Variants in MBNL1 observed in about 807,000 individuals in gnomAD.
MBNL1 encodes the protein muscleblind like splicing regulator 1, also known as muscleblind-like protein 1.
A neutral mutation model predicts 42.2 loss-of-function variants in MBNL1; 8 were observed. The ratio of observed to expected loss-of-function variants is 0.19; its 90% confidence interval spans 0.11 to 0.34. The LOEUF is 0.34. Ranked by LOEUF, MBNL1 falls within the 10% of genes least tolerant of loss-of-function variation. The pLI is 1.00. For synonymous variants in MBNL1, 169 were observed against 173.9 expected (o/e 0.97, Z 0.22); for missense variants, 309 against 495.3 (o/e 0.62, Z 3.57).
chr3:152,455,095 A>T (rs1730963402), intron 6 of MBNL1, among the ~76,000 whole-genome samples: 1 of 152,096 alleles, frequency 6.6e-6, no homozygotes, highest in Admixed American at 6.6e-5. Flanking sequence ...TGAATTATTT[A>T]GTATTTAATA....
intron 2 of MBNL1, among the ~76,000 whole-genome samples, chr3:152,250,094 C>T (rs1406684763): frequency 6.6e-6 from 1 of 152,004 alleles, no homozygotes; most frequent in African/African-American, 2.4e-5. Flanking sequence ...ATTTACTTGG[C>T]GATGCGGGCT....
chr3:152,371,483 A>G (rs897098613), intron 2 of MBNL1, among the ~76,000 whole-genome samples: 2 of 152,046 alleles, frequency 1.3e-5, no homozygotes, highest in Admixed American at 6.5e-5. Context: ...TGTAATCCCA[A>G]CTACTTGGGA....
intron 2 of MBNL1, among the ~76,000 whole-genome samples, chr3:152,372,679 C>T (rs1288291825): frequency 6.6e-6 from 1 of 152,150 alleles, no homozygotes; most frequent in African/African-American, 2.4e-5. Flanking sequence ...AAGTTTCGTC[C>T]CAGAGGGGCA....
intron 2 of MBNL1, among the ~76,000 whole-genome samples, chr3:152,330,771 ATTG>A (rs1428188366): frequency 5.9e-5 from 9 of 152,288 alleles, no homozygotes; most frequent in South Asian, 2.1e-4. Context: ...TATTATAGTT[ATTG>A]TTGTTAATCA....
intron 1 of MBNL1, among the ~76,000 whole-genome samples, chr3:152,284,108 A>G (rs945117687): frequency 6.6e-6 from 1 of 152,218 alleles, no homozygotes; most frequent in East Asian, 1.9e-4. Context: ...CACAGTTAAT[A>G]TAATCAATAC....
At chr3:152,453,615 C>G (rs1727880495) in intron 6 of MBNL1, among the ~76,000 whole-genome samples, 1 of 152,130 alleles carries the variant, frequency 6.6e-6, no homozygotes, top group South Asian at 2.1e-4. Context: ...GTAAGTGGGT[C>G]CTACAGCATT....
At chr3:152,401,516 C>A (rs989383675) in intron 2 of MBNL1, among the ~76,000 whole-genome samples, 3 of 152,118 alleles carry the variant, frequency 2.0e-5, no homozygotes, top group Non-Finnish European at 2.9e-5. Context: ...AGCTTTGTCA[C>A]AGCTACTCTA....
At chr3:152,393,525 C>T (rs935148518) in intron 2 of MBNL1, among the ~76,000 whole-genome samples, 10 of 152,180 alleles carry the variant, frequency 6.6e-5, no homozygotes, top group Non-Finnish European at 1.5e-4. Flanking sequence ...ATGAATGTTA[C>T]GGTGAAATAT....
chr3:152,340,655 G>A, intron 2 of MBNL1: 1 of 1,614,018 alleles, frequency 6.2e-7, no homozygotes, highest in Non-Finnish European at 8.5e-7. Flanking sequence ...ATGTTCCAGA[G>A]TGTTAGAATC....
At chr3:152,321,129 A>C (rs1033394005) in intron 2 of MBNL1, among the ~76,000 whole-genome samples, 3 of 152,134 alleles carry the variant, frequency 2.0e-5, no homozygotes, top group Non-Finnish European at 4.4e-5. Context: ...GAGAGTAAAA[A>C]AATGTTCCAG....
intron 2 of MBNL1, among the ~76,000 whole-genome samples, chr3:152,321,952 C>T (rs2076702510): frequency 1.3e-5 from 2 of 151,936 alleles, no homozygotes; most frequent in African/African-American, 4.8e-5. Flanking sequence ...TCAGTAATCT[C>T]CTAAGAGAAT....
At chr3:152,309,486 T>G (rs1235441243) in intron 2 of MBNL1, among the ~76,000 whole-genome samples, 1 of 152,236 alleles carries the variant, frequency 6.6e-6, no homozygotes, top group Non-Finnish European at 1.5e-5. Flanking sequence ...AAATCAGACC[T>G]AGTGCGTAGG....
intron 4 of MBNL1, among the ~76,000 whole-genome samples, chr3:152,438,538 G>T (rs1048826230): frequency 6.6e-6 from 1 of 152,158 alleles, no homozygotes; most frequent in African/African-American, 2.4e-5. Context: ...CAGCATCTTG[G>T]TTATGCACCT....
chr3:152,306,679 G>GT (rs1335229310), intron 2 of MBNL1, among the ~76,000 whole-genome samples: 1 of 152,234 alleles, frequency 6.6e-6, no homozygotes, highest in East Asian at 1.9e-4. Context: ...CAGGAGTCTG[G>GT]TAGGTAAGAC....
chr3:152,302,365 T>C (rs1368099977), intron 2 of MBNL1: 1 of 152,052 alleles, frequency 6.6e-6, no homozygotes, highest in Admixed American at 6.6e-5. Context: ...AAAAAAAACA[T>C]GAATTTATTT....
chr3:152,258,760 A>G (rs73154149), intron 2 of MBNL1, among the ~76,000 whole-genome samples: 36,009 of 152,114 alleles, frequency 0.24, 5,201 homozygotes, highest in Middle Eastern at 0.33. Context: ...TTCTTTCATC[A>G]TGGGAAGGAA....
chr3:152,465,066 G>A lies in MBNL1; in HGVS notation c.*2700G>A, dbSNP rs1472706921. On this transcript the variant is annotated 3_prime_UTR_variant, in exon 10 of 10. Transcript: ENST00000324210. Reference sequence around the variant, plus strand: ...ATACGCCATCCTTTCAAACCCTCATGACTGACAAAAACTCCATGGGGCCAA... The same window carrying A: ...ATACGCCATCCTTTCAAACCCTCATAACTGACAAAAACTCCATGGGGCCAA... 1 of 152,504 alleles carries A rather than the reference G, an allele frequency of 6.6e-6. No individual in the cohort carries two copies. Among genetic ancestry groups the A allele is most frequent in the African/African-American group, 2.4e-5 (1 of 41,408 alleles). 9.4% of individuals were successfully genotyped at this position (152,504 alleles called of 1,614,324 possible). A position where few individuals can be genotyped will look rare whatever the true frequency, so the allele number is the denominator to read the frequency against.
At chr3:152,358,767 A>C (rs2153091654) in intron 2 of MBNL1, among the ~76,000 whole-genome samples, 1 of 151,500 alleles carries the variant, frequency 6.6e-6, no homozygotes. Context: ...TATTATTATT[A>C]CTATTATTAT....
intron 2 of MBNL1, among the ~76,000 whole-genome samples, chr3:152,349,985 G>GA (rs2094765075): frequency 6.6e-6 from 1 of 152,040 alleles, no homozygotes; most frequent in African/African-American, 2.4e-5. Context: ...TGAATTTAAG[G>GA]AAAAACATCT....
Sources: gnomAD v4.1 joint callset for allele counts (sites outside exome capture counted in the v4.1 genomes callset) on GRCh38, gnomAD v4.1.1 for gene constraint, MANE v1.5 for transcripts, NCBI Gene and HGNC (gene_info 2026-07-23, HGNC 2026-07-21) for gene names.